FOXK2: variants seen among roughly 807,000 people sequenced by gnomAD.
The protein encoded by FOXK2 is forkhead box protein K2.
In FOXK2, 24 loss-of-function variants were observed where a neutral mutation model predicts 53.3. That is an observed-to-expected ratio of 0.45 (90% CI 0.33 to 0.63). The LOEUF (loss-of-function observed/expected upper bound fraction) is 0.63, where lower values mean the gene tolerates loss of function less well. Ranked by LOEUF, FOXK2 falls within the 30% of genes least tolerant of loss-of-function variation. FOXK2 has a pLI of 0.03. For missense variants in FOXK2, 952 were observed against 910.5 expected, an observed-to-expected ratio of 1.05 and a Z score of -0.59; for synonymous variants, 505 against 407.1, an observed-to-expected ratio of 1.24 and a Z score of -2.89.
At chr17:82,544,903 C>G (rs1452365194) in intron 1 of FOXK2, among the ~76,000 whole-genome samples, 2 of 151,948 alleles carry the variant, frequency 1.3e-5, no homozygotes, top group Non-Finnish European at 2.9e-5. Context: ...CACCCAGGTC[C>G]CGGGGGCGCA....
rs576654413 is a variant in FOXK2, at chr17:82,529,032, A to G, written c.419+8725A>G. On this transcript the variant is annotated intron_variant, in intron 1 of 8. Coordinates refer to ENST00000335255, the MANE Select transcript of FOXK2 (RefSeq NM_004514.4). ...CAGGGATGCCACTGAAAAATCTTAC[A>G]ACGCACAGGACGCAGGAGGGGAGAG... 1.1e-4 allele frequency among the ~76,000 whole-genome samples: 17 copies of G among 152,222 alleles called. 1 individual carries two copies. In the East Asian group the frequency reaches 3.3e-3, roughly 29 times the overall value.
chr17:82,596,324 C>T, intron 8 of FOXK2: 1 of 578,842 alleles, frequency 1.7e-6, no homozygotes, highest in East Asian at 1.4e-4. Context: ...TGCTTGTTCC[C>T]TTCTCATCGT....
intron 1 of FOXK2, among the ~76,000 whole-genome samples, chr17:82,545,151 A>G (rs1394157565): frequency 6.6e-6 from 1 of 152,096 alleles, no homozygotes; most frequent in Non-Finnish European, 1.5e-5. Context: ...ATCTAGACAC[A>G]GAAAAGTGCA....
intron 3 of FOXK2, among the ~76,000 whole-genome samples, chr17:82,570,232 G>A (rs978411653): frequency 3.0e-4 from 45 of 148,756 alleles, no homozygotes; most frequent in African/African-American, 1.1e-3. Flanking sequence ...AAAAAAAAAA[G>A]AGAGACAAAT....
chr17:82,519,868 C>T lies in FOXK2; in HGVS notation c.-21C>T, dbSNP rs2044340586. 3.1e-6 allele frequency: 3 copies of T among 972,712 alleles called. No individual in the cohort carries two copies. Among genetic ancestry groups the T allele is most frequent in the Non-Finnish European group, 3.6e-6 (3 of 822,258 alleles). The allele number at this position is 972,712 out of a possible 1,614,324, so 60.3% of individuals were successfully genotyped here. A position where few individuals can be genotyped will look rare whatever the true frequency, so the allele number is the denominator to read the frequency against. On this transcript the variant is annotated 5_prime_UTR_variant, in exon 1 of 9. Transcript: ENST00000335255. Reference sequence around the variant, plus strand: ...CCACCGGCGCCCGCGCGGAGCGGCCCGGGGGCCCTCACGCAGGCCCATGGC... The same window carrying T: ...CCACCGGCGCCCGCGCGGAGCGGCCTGGGGGCCCTCACGCAGGCCCATGGC...
intron 1 of FOXK2, among the ~76,000 whole-genome samples, chr17:82,557,357 T>G (rs1567973299): frequency 6.6e-6 from 1 of 151,070 alleles, no homozygotes; most frequent in Non-Finnish European, 1.5e-5. Flanking sequence ...TATATATATA[T>G]TTTTGAGACA....
rs368793665 is a variant in FOXK2, at chr17:82,523,471, CT to C, written c.419+3180del. 9.0e-3 allele frequency among the ~76,000 whole-genome samples: 1,267 copies of C among 140,016 alleles called. 10 individuals carry two copies. Among genetic ancestry groups the C allele is most frequent in the African/African-American group, 0.021 (791 of 37,902 alleles). The allele number at this position is 140,016 out of a possible 152,430, so 91.9% of individuals were successfully genotyped here. ...GAAATGCAGATAAATTGTTTAAAAT[CT>C]TTTTTTTTTTTTTTTAAGACAGAGT... On this transcript the variant is annotated intron_variant, in intron 1 of 8. Transcript: ENST00000335255.
intron 1 of FOXK2, among the ~76,000 whole-genome samples, chr17:82,535,755 T>G (rs1356672773): frequency 2.0e-5 from 3 of 147,934 alleles, no homozygotes; most frequent in East Asian, 1.9e-4. Context: ...TTTGTTTTTG[T>G]TTTTTTTTTG....
intron 4 of FOXK2, among the ~76,000 whole-genome samples, chr17:82,574,725 C>T (rs2044963513): frequency 6.6e-6 from 1 of 152,230 alleles, no homozygotes; most frequent in Non-Finnish European, 1.5e-5. Flanking sequence ...CCGCCCTTCC[C>T]AGTGCCTCAG....
Position 82,547,281 on chromosome 17 carries a change from C to T in FOXK2, c.420-16073C>T, listed in dbSNP as rs546763540. Among the ~76,000 whole-genome samples the T allele has an allele frequency of 2.3e-3, 356 of 152,278 alleles. 1 individual carries two copies. Among genetic ancestry groups the T allele is most frequent in the South Asian group, 7.7e-3 (37 of 4,832 alleles). ...TTCCCCGGAAGTGATCAAGGTGATA[C>T]TTTACATTCAGGGTGTCCAGTCTTT... is the stretch of plus-strand genomic sequence containing the variant. On this transcript the variant is annotated intron_variant, in intron 1 of 8. Transcript: ENST00000335255.
At chr17:82,547,117 A>G (rs1162729034) in intron 1 of FOXK2, among the ~76,000 whole-genome samples, 1 of 151,638 alleles carries the variant, frequency 6.6e-6, no homozygotes, top group African/African-American at 2.4e-5. Flanking sequence ...GAAAGAATAC[A>G]CTGATCTCTC....
At chr17:82,593,565 C>T (rs1316489460) in intron 8 of FOXK2, 1 of 152,338 alleles carries the variant, frequency 6.6e-6, no homozygotes, top group African/African-American at 2.4e-5. Flanking sequence ...CCTTCCGAGC[C>T]TTCTGGCTCC....
chr17:82,577,072 G>A (rs891652764), intron 4 of FOXK2: 3 of 443,782 alleles, frequency 6.8e-6, no homozygotes, highest in African/African-American at 6.2e-5. Context: ...TGAAGCAGGA[G>A]AATTGTTTGA....
chr17:82,599,097 CT>C (rs36118493), intron 8 of FOXK2: 25,639 of 123,482 alleles, frequency 0.21, 2,103 homozygotes, highest in Middle Eastern at 0.37. Flanking sequence ...TGAGCAGCTT[CT>C]TTTTTTTTTT....
At chr17:82,563,572 T>C (rs139363774) in intron 2 of FOXK2, 24 bp downstream of exon 2, 7 of 1,601,474 alleles carry the variant, frequency 4.4e-6, no homozygotes, top group African/African-American at 1.3e-5. Context: ...GATGGGGGAC[T>C]GGAGCATCCT....
At chr17:82,569,445 G>C (rs1346734166) in intron 3 of FOXK2, among the ~76,000 whole-genome samples, 1 of 152,212 alleles carries the variant, frequency 6.6e-6, no homozygotes, top group Admixed American at 6.5e-5. Context: ...TAAGAAGTCA[G>C]TAGTAATGGT....
At chr17:82,584,234 GACGCGGACGCCTGGGCTCCAC>G in intron 6 of FOXK2, 46 bp downstream of exon 6, 3 of 1,510,622 alleles carry the variant, frequency 2.0e-6, no homozygotes, top group Non-Finnish European at 2.7e-6. Context: ...GCGTGAGCCA[GACGCGGACGCCTGGGCTCCAC>G]AGAGAAGAAA....
chr17:82,585,848 CT>C, intron 6 of FOXK2, 55 bp from the exon 7 acceptor site: 1 of 1,556,318 alleles, frequency 6.4e-7, no homozygotes, highest in Non-Finnish European at 8.8e-7. Context: ...GTGTGAGAAC[CT>C]TTGTTTGTAG....
intron 1 of FOXK2, 144 bp from the exon 2 acceptor site, chr17:82,563,210 C>T (rs1307446359): frequency 2.7e-6 from 2 of 739,732 alleles, no homozygotes; most frequent in Non-Finnish European, 4.2e-6. Flanking sequence ...GTTTGTTTGG[C>T]GACTTATAAT....
Sources: allele counts gnomAD v4.1 joint callset (sites outside exome capture counted in the v4.1 genomes callset), GRCh38; gene constraint gnomAD v4.1.1; transcripts MANE v1.5; gene names NCBI Gene and HGNC (gene_info 2026-07-23, HGNC 2026-07-21).